Variants in TNPO1 observed in about 807,000 individuals in gnomAD.
TNPO1 encodes the protein transportin-1.
Under a neutral mutation model 119.5 loss-of-function variants are expected in TNPO1, and 8 were observed. The ratio of observed to expected loss-of-function variants is 0.07; its 90% CI spans 0.04 to 0.12. TNPO1 has a LOEUF of 0.12. Among genes scored for constraint, TNPO1 ranks in the 10% least tolerant of loss-of-function variants. The probability of loss-of-function intolerance (pLI) is 1.00; values close to 1 mark genes in which losing one functional copy is unlikely to be tolerated. For missense variants in TNPO1, 576 were observed against 1,089.8 expected (o/e 0.53, Z 6.64); for synonymous variants, 362 against 363.0 (o/e 1.00, Z 0.03).
chr5:72,895,562 C>CA (rs1475294787), intron 18 of TNPO1, among the ~76,000 whole-genome samples: 1 of 152,006 alleles, frequency 6.6e-6, no homozygotes. Context: ...TTCCCCCCAA[C>CA]AAAAAAATGA....
intron 20 of TNPO1, among the ~76,000 whole-genome samples, chr5:72,898,838 A>G (rs1749624587): frequency 6.6e-6 from 1 of 152,094 alleles, no homozygotes; most frequent in Non-Finnish European, 1.5e-5. Context: ...TTTTAGTATT[A>G]TCTGTGTAGT....
At chr5:72,894,916 T>C (rs1028224214) in intron 18 of TNPO1, among the ~76,000 whole-genome samples, 1 of 152,182 alleles carries the variant, frequency 6.6e-6, no homozygotes, top group African/African-American at 2.4e-5. Context: ...TATGAAAGGA[T>C]TTAATTTTTT....
chr5:72,819,770 CA>C (rs1743871499), intron 1 of TNPO1, among the ~76,000 whole-genome samples: 2 of 152,190 alleles, frequency 1.3e-5, no homozygotes, highest in Non-Finnish European at 2.9e-5. Flanking sequence ...TATTTGGATT[CA>C]GATTTTGGCA....
rs1749094102 is a variant in TNPO1 at position 72,892,012 on chromosome 5, A to G, written c.1788+116A>G. On this transcript the variant is annotated intron_variant, in intron 15 of 24. Transcript: ENST00000337273. ...TTATATTCTGAAGTAGACGGAGGAAATTATATGATACATACTGTTCTCTAA... is the reference window on the plus strand; with the variant it reads ...TTATATTCTGAAGTAGACGGAGGAAGTTATATGATACATACTGTTCTCTAA... 5.5e-6 allele frequency: 4 copies of G among 722,504 alleles called. No individual in the cohort carries two copies. In the South Asian group the frequency reaches 7.6e-5, roughly 14 times the overall value. The allele number at this position is 722,504 out of a possible 1,614,324, so 44.8% of individuals were successfully genotyped here.
chr5:72,879,791 T>G (rs1228871907), intron 9 of TNPO1, among the ~76,000 whole-genome samples: 5 of 152,234 alleles, frequency 3.3e-5, no homozygotes, highest in Non-Finnish European at 4.4e-5. Context: ...TTTTCCTATT[T>G]ATTAACCACA....
chr5:72,861,935 C>T (rs1170373770), intron 5 of TNPO1, 21 bp downstream of exon 5: 18 of 1,558,758 alleles, frequency 1.2e-5, no homozygotes, highest in Middle Eastern at 1.7e-4. Context: ...TTGTTTCATA[C>T]ATAATTGGGT....
intron 6 of TNPO1, among the ~76,000 whole-genome samples, chr5:72,867,990 T>C (rs1747053977): frequency 6.6e-6 from 1 of 152,224 alleles, no homozygotes; most frequent in Non-Finnish European, 1.5e-5. Context: ...TTTATCTTGT[T>C]GTTGTCTCTT....
At chr5:72,839,675 G>A (rs1353519698) in intron 1 of TNPO1, among the ~76,000 whole-genome samples, 1 of 151,674 alleles carries the variant, frequency 6.6e-6, no homozygotes. Context: ...GTCTTTTTCT[G>A]TTTTCTGTTA....
Position 72,865,620 on chromosome 5 carries a change from AT to A in TNPO1, c.490del (p.Cys164ValfsTer8). The A allele has an allele frequency of 6.2e-7, 1 of 1,612,598 alleles. No individual in the cohort carries two copies. The highest frequency in any genetic ancestry group is 1.7e-5 in the Admixed American group (1 of 59,980). On this transcript the variant is annotated frameshift_variant, in exon 6 of 25. Transcript: ENST00000337273. LOFTEE classifies it high-confidence loss of function. ...CEGAFGALQK[I>X]CEDSAEILDS... ...GGGAGCATTTGGTGCCCTTCAGAAGATTTGTGAAGATTCTGCTGAGATTTTA... is the reference window on the plus strand; with the variant it reads ...GGGAGCATTTGGTGCCCTTCAGAAGATTGTGAAGATTCTGCTGAGATTTTA...
intron 4 of TNPO1, among the ~76,000 whole-genome samples, chr5:72,859,430 T>C (rs1449974445): frequency 6.6e-6 from 1 of 152,204 alleles, no homozygotes; most frequent in Non-Finnish European, 1.5e-5. Context: ...GGACCATGTG[T>C]TATTTTTGTA....
At chr5:72,849,291 T>G (rs777846390) in intron 2 of TNPO1, among the ~76,000 whole-genome samples, 5 of 152,162 alleles carry the variant, frequency 3.3e-5, no homozygotes, top group African/African-American at 1.2e-4. Flanking sequence ...ACGTATGCTT[T>G]CTGTAGTGCC....
rs539407720 is a variant in TNPO1, at chr5:72,840,510, C to T, written c.16-7875C>T. 2.0e-5 allele frequency among the ~76,000 whole-genome samples: 3 copies of T among 152,290 alleles called. No homozygotes were observed. In the East Asian group the frequency reaches 5.8e-4, roughly 29 times the overall value. Reference sequence around the variant, plus strand: ...TTGGTTTTGAATGCCTAATCTGCCACATACTAGCTGGGCAAGCTACTTAAC... The same window carrying T: ...TTGGTTTTGAATGCCTAATCTGCCATATACTAGCTGGGCAAGCTACTTAAC... On this transcript the variant is annotated intron_variant, in intron 1 of 24. Transcript: ENST00000337273.
chr5:72,862,533 T>C (rs974327510), intron 5 of TNPO1: 1 of 152,364 alleles, frequency 6.6e-6, no homozygotes, highest in Non-Finnish European at 1.5e-5. Context: ...CGCGCTGTTG[T>C]TCAGGCTGAC....
At chr5:72,895,230 G>A (rs1287515981) in intron 18 of TNPO1, among the ~76,000 whole-genome samples, 1 of 151,996 alleles carries the variant, frequency 6.6e-6, no homozygotes, top group African/African-American at 2.4e-5. Context: ...TCCTCTGTCC[G>A]TTGTATTTAC....
chr5:72,887,281 A>G (rs541907813), intron 12 of TNPO1, 59 bp downstream of exon 12: 15 of 1,125,064 alleles, frequency 1.3e-5, no homozygotes, highest in Middle Eastern at 2.1e-4. Context: ...TTAGGTACTA[A>G]TAAGGCTAGG....
At chr5:72,899,126 AT>A (rs753723914) in intron 20 of TNPO1, among the ~76,000 whole-genome samples, 1 of 152,198 alleles carries the variant, frequency 6.6e-6, no homozygotes, top group African/African-American at 2.4e-5. Flanking sequence ...GTAAAAAAAA[AT>A]AGTGTGTAAT....
intron 18 of TNPO1, among the ~76,000 whole-genome samples, chr5:72,895,907 T>C (rs182734389): frequency 1.1e-3 from 171 of 152,366 alleles, no homozygotes; most frequent in Middle Eastern, 0.01. Flanking sequence ...CAAGCTGTTG[T>C]ACTGCTTGCA....
intron 13 of TNPO1, 50 bp from the exon 14 acceptor site, chr5:72,889,736 T>C: frequency 6.6e-7 from 1 of 1,519,388 alleles, no homozygotes; most frequent in Non-Finnish European, 8.8e-7. Context: ...AATTAAGAGT[T>C]AGATATATCT....
At chr5:72,891,745 G>A in intron 14 of TNPO1, 65 bp from the exon 15 acceptor site, 1 of 1,168,100 alleles carries the variant, frequency 8.6e-7, no homozygotes, top group African/African-American at 1.5e-5. Flanking sequence ...AATTTTCAAA[G>A]ACTCAAAATG....
Sources: allele counts gnomAD v4.1 joint callset (sites outside exome capture counted in the v4.1 genomes callset), GRCh38; gene constraint gnomAD v4.1.1; transcripts MANE v1.5; gene names NCBI Gene and HGNC (gene_info 2026-07-23, HGNC 2026-07-21).